Variants in ZNF362 observed in about 807,000 individuals in gnomAD.
ZNF362 encodes the protein zinc finger protein 362, also known as rotund homolog.
Under a neutral mutation model 42.9 loss-of-function variants are expected in ZNF362, and 11 were observed. The ratio of observed to expected loss-of-function variants is 0.26; its 90% CI spans 0.16 to 0.42. ZNF362 has a LOEUF of 0.42. ZNF362 is among the 20% of genes least tolerant of loss of function. The pLI is 1.00. For synonymous variants in ZNF362, 255 were observed against 257.3 expected (o/e 0.99, Z 0.09); for missense variants, 362 against 576.2 (o/e 0.63, Z 3.81).
At chr1:33,228,511 A>G in the ZNF362 span, among the ~76,000 whole-genome samples, 1 of 152,056 alleles carries the variant, frequency 6.6e-6, no homozygotes, top group Non-Finnish European at 1.5e-5. Context: ...GCCTTCCACA[A>G]ATCTGGTTCT....
chr1:33,245,015 G>A, the ZNF362 span, among the ~76,000 whole-genome samples: 1 of 152,126 alleles, frequency 6.6e-6, no homozygotes. Flanking sequence ...AGGTGCACAG[G>A]GTCTAGTCTG....
At chr1:33,291,221 C>T (rs1353428226) in intron 6 of ZNF362, among the ~76,000 whole-genome samples, 5 of 152,000 alleles carry the variant, frequency 3.3e-5, no homozygotes, top group South Asian at 2.1e-4. Flanking sequence ...GTCTTTAATC[C>T]ATCTTGAATT....
At chr1:33,244,373 C>A in the ZNF362 span, among the ~76,000 whole-genome samples, 1 of 152,326 alleles carries the variant, frequency 6.6e-6, no homozygotes, top group South Asian at 2.1e-4. The surrounding 1 kb of genome is among the most constrained non-coding windows in gnomAD (Gnocchi z 4.0). Flanking sequence ...GCACTAACCA[C>A]CGGAATGCCC....
At chr1:33,229,428 A>G in the ZNF362 span, among the ~76,000 whole-genome samples, 1,352 of 145,368 alleles carry the variant, frequency 9.3e-3, 14 homozygotes, top group Non-Finnish European at 0.014. Context: ...TTTTTGTGAG[A>G]CGGAGTCTTG....
chr1:33,132,917 G>A, the ZNF362 span, among the ~76,000 whole-genome samples: 1 of 152,212 alleles, frequency 6.6e-6, no homozygotes, highest in African/African-American at 2.4e-5. Context: ...AAAGCATGGG[G>A]GAATGTTTTA....
intron 1 of ZNF362, among the ~76,000 whole-genome samples, chr1:33,258,440 G>T (rs912893615): frequency 1.3e-5 from 2 of 152,190 alleles, no homozygotes; most frequent in Non-Finnish European, 2.9e-5. Flanking sequence ...CAGAGTCGGG[G>T]GTTGAAAGCT....
chr1:33,130,689 T>A, the ZNF362 span, among the ~76,000 whole-genome samples: 1 of 152,290 alleles, frequency 6.6e-6, no homozygotes, highest in African/African-American at 2.4e-5. Context: ...ATAAGTAATA[T>A]TCGTGGTTTT....
the ZNF362 span, chr1:33,180,955 A>ACCCCC: frequency 1.0e-5 from 4 of 386,016 alleles, no homozygotes; most frequent in South Asian, 5.4e-5. Context: ...TCCAGCCCTG[A>ACCCCC]CCCCACCCCC....
intron 6 of ZNF362, among the ~76,000 whole-genome samples, chr1:33,291,238 T>A (rs1646076027): frequency 6.6e-6 from 1 of 152,184 alleles, no homozygotes; most frequent in South Asian, 2.1e-4. Flanking sequence ...AATTAATTTT[T>A]GTATAAGGTG....
the ZNF362 span, among the ~76,000 whole-genome samples, chr1:33,128,330 G>A: frequency 6.6e-6 from 1 of 152,122 alleles, no homozygotes; most frequent in African/African-American, 2.4e-5. Context: ...TGAGCCGTGA[G>A]TGGGGCACTG....
At chr1:33,219,612 CG>C in the ZNF362 span, among the ~76,000 whole-genome samples, 1 of 152,114 alleles carries the variant, frequency 6.6e-6, no homozygotes, top group South Asian at 2.1e-4. Flanking sequence ...AGGGGTGAGA[CG>C]GGGCATGCCC....
At chr1:33,176,398 C>A in the ZNF362 span, 417 of 695,626 alleles carry the variant, frequency 6.0e-4, 1 homozygote, top group Admixed American at 8.1e-3. Flanking sequence ...GATCACCATA[C>A]CCTGCCTACC....
the ZNF362 span, among the ~76,000 whole-genome samples, chr1:33,218,072 T>C: frequency 5.3e-5 from 8 of 152,214 alleles, no homozygotes; most frequent in African/African-American, 1.9e-4. Flanking sequence ...CCATAAACAC[T>C]GTAGCAGCAA....
chr1:33,250,852 GGAAGAAGAAGAAGAA>G, the ZNF362 span, among the ~76,000 whole-genome samples: 486 of 137,588 alleles, frequency 3.5e-3, 15 homozygotes, highest in East Asian at 0.088. Context: ...GAAGAAAGAA[GGAAGAAGAAGAAGAA>G]GAAGAAGAAG....
chr1:33,205,310 C>G, the ZNF362 span, among the ~76,000 whole-genome samples: 3 of 151,856 alleles, frequency 2.0e-5, no homozygotes, highest in African/African-American at 7.3e-5. Flanking sequence ...ATAGTGAGAC[C>G]TCATCTCTAC....
chr1:33,269,977 G>A (rs1645890294), intron 1 of ZNF362, among the ~76,000 whole-genome samples: 1 of 152,224 alleles, frequency 6.6e-6, no homozygotes, highest in Non-Finnish European at 1.5e-5. Flanking sequence ...CTGGGACGGA[G>A]TGATAAACAG....
rs2148149699 is a variant in ZNF362 at position 33,300,363 on chromosome 1, G to A, written c.*1317G>A. 1 of 134,216 alleles carries A rather than the reference G, an allele frequency of 7.5e-6. No individual in the cohort carries two copies. Among genetic ancestry groups the A allele is most frequent in the South Asian group, 2.3e-4 (1 of 4,406 alleles). The allele number at this position is 134,216 out of a possible 1,614,324, so 8.3% of individuals were successfully genotyped here. A position where few individuals can be genotyped will look rare whatever the true frequency, so the allele number is the denominator to read the frequency against. ...CTTGCGTCGTCTGATACTCAGTATT[G>A]TAGCTTTTTGTCCGCATGTTACTCC... On this transcript the variant is annotated 3_prime_UTR_variant, in exon 9 of 9. Transcript: ENST00000539719.
the ZNF362 span, among the ~76,000 whole-genome samples, chr1:33,137,730 A>G: frequency 6.6e-6 from 1 of 152,204 alleles, no homozygotes. Context: ...CAAGTGGCTC[A>G]GCACCCTCCT....
intron 1 of ZNF362, among the ~76,000 whole-genome samples, chr1:33,269,895 A>C (rs1645889727): frequency 6.6e-6 from 1 of 151,982 alleles, no homozygotes; most frequent in Non-Finnish European, 1.5e-5. Context: ...CACCTGATGT[A>C]CACCTTCCTC....
Sources: gnomAD v4.1 joint callset for allele counts (sites outside exome capture counted in the v4.1 genomes callset) on GRCh38, gnomAD v4.1.1 for gene constraint, Gnocchi (gnomAD v3.1) non-coding constraint, MANE v1.5 for transcripts, NCBI Gene and HGNC (gene_info 2026-07-23, HGNC 2026-07-21) for gene names.